Variants in COL6A5 observed in about 807,000 individuals in gnomAD.
COL6A5 encodes the protein collagen alpha-5(VI) chain.
A neutral mutation model predicts 65.6 loss-of-function variants in COL6A5; 48 were observed. The observed-to-expected ratio is 0.73, with a 90% CI of 0.58 to 0.93. COL6A5 has a LOEUF of 0.93. COL6A5 is among the 40% of genes least tolerant of loss of function. The pLI is 0.00. For synonymous variants in COL6A5, 291 were observed against 322.8 expected (o/e 0.90, Z 1.05); for missense variants, 914 against 928.3 (o/e 0.98, Z 0.20).
intron 8 of COL6A5, among the ~76,000 whole-genome samples, 199 bp from the exon 9 acceptor site, chr3:130,397,382 CAT>C (rs1268710207): frequency 6.6e-6 from 1 of 151,700 alleles, no homozygotes; most frequent in Non-Finnish European, 1.5e-5. Context: ...GTGATATACA[CAT>C]ATATATGTGT....
exon 3 of COL6A5, chr3:130,376,403 T>G: frequency 6.2e-7 from 1 of 1,613,578 alleles, no homozygotes; most frequent in Non-Finnish European, 8.5e-7. Context: ...GCGACGAGTT[T>G]CACAGTGAAT....
upstream of COL6A5, chr3:130,431,217 T>C (rs974416015): frequency 3.1e-5 from 21 of 682,332 alleles, no homozygotes; most frequent in Admixed American, 1.6e-4. Flanking sequence ...CACAGCTGAC[T>C]GATTGATAGT....
chr3:130,391,404 TGCGGAA>T (rs1159308067), exon 7 of COL6A5: 1 of 1,551,578 alleles, frequency 6.4e-7, no homozygotes, highest in African/African-American at 1.4e-5. Flanking sequence ...ATTGAGAATC[TGCGGAA>T]GCGCAGGGAC....
upstream of COL6A5, among the ~76,000 whole-genome samples, chr3:130,430,732 C>T (rs1285492874): frequency 3.6e-4 from 55 of 152,214 alleles, 1 homozygote; most frequent in Admixed American, 3.5e-3. Context: ...TCACTGAAAG[C>T]CAGCTTTCCT....
At chr3:130,439,762 T>C in intron 2 of COL6A5, 147 bp downstream of exon 34, 1 of 657,282 alleles carries the variant, frequency 1.5e-6, no homozygotes, top group Non-Finnish European at 2.6e-6. Flanking sequence ...TATGTCATGG[T>C]TTCAATCTCT....
At chr3:130,443,001 A>G (rs1709220324) in intron 3 of COL6A5, among the ~76,000 whole-genome samples, 1 of 152,224 alleles carries the variant, frequency 6.6e-6, no homozygotes, top group Non-Finnish European at 1.5e-5. Context: ...TATTTAGACC[A>G]GTAAGGTAAA....
intron 27 of COL6A5, 111 bp downstream of exon 27, chr3:130,421,471 C>G (rs538912792): frequency 2.0e-5 from 20 of 1,004,582 alleles, no homozygotes; most frequent in Non-Finnish European, 2.7e-5. Context: ...AAACCAAGGA[C>G]AGTTGTTTTC....
At chr3:130,411,399 A>T (rs1937171204) in intron 20 of COL6A5, among the ~76,000 whole-genome samples, 1 of 152,206 alleles carries the variant, frequency 6.6e-6, no homozygotes, top group Non-Finnish European at 1.5e-5. Context: ...CAAATTTGGA[A>T]TCTTATTATT....
intron 1 of COL6A5, among the ~76,000 whole-genome samples, chr3:130,366,623 A>T (rs1545521): frequency 0.99 from 151,295 of 152,386 alleles, 75,117 homozygotes; most frequent in East Asian, 1. Flanking sequence ...GTTGTAGAAG[A>T]CTTTAGAGTA....
intron 6 of COL6A5, among the ~76,000 whole-genome samples, chr3:130,389,710 A>T (rs760627824): frequency 1.3e-5 from 2 of 151,724 alleles, no homozygotes; most frequent in Non-Finnish European, 2.9e-5. Flanking sequence ...CACTTTTCTG[A>T]TTACTTGGGG....
At chr3:130,445,580 C>T (rs1709285234) in intron 4 of COL6A5, among the ~76,000 whole-genome samples, 1 of 152,124 alleles carries the variant, frequency 6.6e-6, no homozygotes, top group South Asian at 2.1e-4. Context: ...GTTTTCCCTT[C>T]CCATACTCGC....
chr3:130,464,930 A>G (rs1443607579), intron 5 of COL6A5, among the ~76,000 whole-genome samples: 2 of 152,158 alleles, frequency 1.3e-5, no homozygotes, highest in Admixed American at 1.3e-4. Flanking sequence ...ATCTCAAACA[A>G]GATGGTCAGT....
In COL6A5 at chr3:130,458,921, A is replaced by C. The variant is rs1709639104; in HGVS notation, c.1544+3255A>C. On this transcript the variant is annotated intron_variant, in intron 5 of 7. Coordinates refer to ENST00000512836, the Ensembl canonical transcript of COL6A5. ...GTTCTTTGAAATTATGTAATTTTAA[A>C]ATGGGTAGTTTAATTCTAATTAAAT... 6.6e-5 allele frequency among the ~76,000 whole-genome samples: 10 copies of C among 152,160 alleles called. No individual in the cohort carries two copies. In the South Asian group the frequency reaches 2.1e-3, roughly 32 times the overall value.
At chr3:130,379,985 A>G in exon 4 of COL6A5, 5 of 1,550,892 alleles carry the variant, frequency 3.2e-6, no homozygotes, top group Non-Finnish European at 4.4e-6. Context: ...TTCCTGAAAA[A>G]GCTCCAGAAT....
intron 7 of COL6A5, 140 bp from the exon 41 acceptor site, chr3:130,483,895 T>C: frequency 3.1e-6 from 2 of 643,096 alleles, no homozygotes; most frequent in Non-Finnish European, 5.4e-6. Flanking sequence ...CACCCTGAGC[T>C]GGACTTCTAT....
At chr3:130,383,216 A>G (rs1936067927) in intron 4 of COL6A5, among the ~76,000 whole-genome samples, 1 of 152,080 alleles carries the variant, frequency 6.6e-6, no homozygotes, top group African/African-American at 2.4e-5. Flanking sequence ...GGTAGCTGCT[A>G]GTTATATGGA....
chr3:130,411,951 G>T (rs1937189593), intron 20 of COL6A5, among the ~76,000 whole-genome samples: 1 of 152,234 alleles, frequency 6.6e-6, no homozygotes, highest in Non-Finnish European at 1.5e-5. Context: ...TTCCGACGCA[G>T]AATAGAGTTC....
At chr3:130,362,240 T>C (rs1030243338) in intron 1 of COL6A5, among the ~76,000 whole-genome samples, 3 of 107,234 alleles carry the variant, frequency 2.8e-5, no homozygotes, top group Non-Finnish European at 5.8e-5. Context: ...TTGGGAAGGG[T>C]GTAAGGTTTC....
At chr3:130,440,106 A>G in intron 2 of COL6A5, 60 bp from the exon 35 acceptor site, 1 of 1,355,266 alleles carries the variant, frequency 7.4e-7, no homozygotes, top group Non-Finnish European at 1.0e-6. Context: ...TGAAGATCTC[A>G]AACAAGTGTC....
Sources: gnomAD v4.1 joint callset for allele counts (sites outside exome capture counted in the v4.1 genomes callset) on GRCh38, gnomAD v4.1.1 for gene constraint, MANE v1.5 for transcripts, NCBI Gene and HGNC (gene_info 2026-07-23, HGNC 2026-07-21) for gene names.